Variants in ZNF318 observed in about 807,000 individuals in gnomAD.
ZNF318 encodes zinc finger protein 318.
ZNF318 carries 51 observed loss-of-function variants against 124.2 expected under a neutral mutation model. The observed-to-expected ratio is 0.41, with a 90% CI of 0.33 to 0.52. The LOEUF is 0.52. Ranked by LOEUF, ZNF318 falls within the 20% of genes least tolerant of loss-of-function variation. The pLI is 0.23. For synonymous variants in ZNF318, 1,090 were observed against 1,040.7 expected, an observed-to-expected ratio of 1.05 and a Z score of -0.91; for missense variants, 2,815 against 2,811.2, an observed-to-expected ratio of 1.00 and a Z score of -0.03.
chr6:43,349,248 T>C (rs1478213373), intron 5 of ZNF318, among the ~76,000 whole-genome samples: 1 of 152,172 alleles, frequency 6.6e-6, no homozygotes, highest in Non-Finnish European at 1.5e-5. Flanking sequence ...TTAATAAGTG[T>C]TGTAACTATG....
At chr6:43,361,609 G>C (rs775014822) in intron 2 of ZNF318, among the ~76,000 whole-genome samples, 1 of 152,156 alleles carries the variant, frequency 6.6e-6, no homozygotes, top group South Asian at 2.1e-4. Flanking sequence ...TCCATGAATG[G>C]AACATTAAAT....
chr6:43,356,008 G>A lies in ZNF318; in HGVS notation c.1326C>T (p.Ala442=). 6.2e-7 allele frequency: 1 copy of A among 1,614,198 alleles called. No individual in the cohort carries two copies. The highest frequency in any genetic ancestry group is 8.5e-7 in the Non-Finnish European group (1 of 1,180,038). The change falls in exon 4 of 10, where the codon GCC becomes GCT. Residue 442 remains alanine, a synonymous_variant. Transcript: ENST00000361428. ...AGAGGTTGCCCTGAGGTTCCTTCAA[G>A]GCAGTCTCTACCATAGTCCCCTTGT... is the stretch of plus-strand genomic sequence containing the variant. ...IENKGTMVET[A]LKEPQGNLYQ... is the part of the protein sequence containing the mutation.
At position 43,369,261 on chromosome 6, in the gene ZNF318, C is replaced by T; in HGVS notation, c.105G>A (p.Pro35=). The T allele has an allele frequency of 7.8e-7, 1 of 1,278,646 alleles. No individual in the cohort carries two copies. The highest frequency in any genetic ancestry group is 3.0e-4 in the Middle Eastern group (1 of 3,280). 79.2% of individuals were successfully genotyped at this position (1,278,646 alleles called of 1,614,324 possible). A position where few individuals can be genotyped will look rare whatever the true frequency, so the allele number is the denominator to read the frequency against. ...GAGGCGGCGGTGAGCTGCGGCGAGC[C>T]GGGCCTGAGGAGGAGCCAGAGCTGC... ...SGRSSGSSSG[P]ARRSSPPPPP... Residue 35 remains proline (P), a synonymous_variant, in exon 1 of 10, where the codon CCG becomes CCA. Transcript: ENST00000361428.
rs1381386129 is a variant in ZNF318, at chr6:43,337,581, T to C, written c.6417A>G (p.Val2139=). 1.9e-6 allele frequency: 3 copies of C among 1,614,026 alleles called. No homozygotes were observed. Among genetic ancestry groups the C allele is most frequent in the Admixed American group, 1.7e-5 (1 of 59,988 alleles). Residue 2139 remains valine, a synonymous_variant, in exon 10 of 10, where the codon GTA becomes GTG. Transcript: ENST00000361428. ...LLAGGMMPEE[V]KESSQLDKQE... ...GTTTGTCTAATTGGGAAGATTCTTT[T>C]ACTTCCTCAGGCATCATTCCTCCTG...
chr6:43,340,532 A>G (rs1460508018), intron 9 of ZNF318, 30 bp from the exon 10 acceptor site: 18 of 1,554,156 alleles, frequency 1.2e-5, no homozygotes, highest in Non-Finnish European at 1.6e-5. Flanking sequence ...AGACTCAAAA[A>G]CTGGTGAAAA....
chr6:43,336,979 GGGGAAA>G lies in ZNF318; in HGVS notation c.*173_*178del. 1 of 438,496 alleles carries G rather than the reference GGGGAAA, an allele frequency of 2.3e-6. No individual in the cohort carries two copies. 27.2% of individuals were successfully genotyped at this position (438,496 alleles called of 1,614,324 possible). ...GTTATCGATTTGTCTGGTGTTTTAAGGGGAAAGGGAAAAGGAAAGGAGGTAAATTTT... is the reference window on the plus strand; with the variant it reads ...GTTATCGATTTGTCTGGTGTTTTAAGGGGAAAAGGAAAGGAGGTAAATTTT... On this transcript the variant is annotated 3_prime_UTR_variant, in exon 10 of 10. Coordinates refer to ENST00000361428, the MANE Select transcript of ZNF318 (RefSeq NM_014345.3).
At chr6:43,345,530 C>T (rs1174214031) in intron 6 of ZNF318, among the ~76,000 whole-genome samples, 1 of 152,100 alleles carries the variant, frequency 6.6e-6, no homozygotes, top group East Asian at 1.9e-4. Flanking sequence ...TCATTGGGTT[C>T]GTACATGAAT....
chr6:43,360,251 G>C (rs1429057128), intron 2 of ZNF318, among the ~76,000 whole-genome samples: 1 of 152,056 alleles, frequency 6.6e-6, no homozygotes, highest in Non-Finnish European at 1.5e-5. Context: ...CTCCAGTAGA[G>C]ACAGAAAAAA....
chr6:43,340,741 A>G, intron 9 of ZNF318, 49 bp downstream of exon 9: 1 of 1,559,522 alleles, frequency 6.4e-7, no homozygotes, highest in Non-Finnish European at 8.8e-7. Flanking sequence ...AAGTCAAAAT[A>G]ATTACTTCAG....
In ZNF318 at chr6:43,340,911, G is replaced by A. The variant is rs2150749262; in HGVS notation, c.3377-3C>T. On this transcript the variant is annotated splice_region_variant and splice_polypyrimidine_tract_variant and intron_variant, in intron 8 of 9. Transcript: ENST00000361428. ...GATGGGAACCAGAAACTCAGAGCCT[G>A]GAAGAAGTAGAAAAAAGTCAAGGAA... 3.1e-6 allele frequency: 5 copies of A among 1,607,754 alleles called. No homozygotes were observed. Among genetic ancestry groups the A allele is most frequent in the Non-Finnish European group, 4.3e-6 (5 of 1,174,324 alleles).
chr6:43,339,844 G>A lies in ZNF318; in HGVS notation c.4154C>T (p.Thr1385Ile), dbSNP rs754565748. 7 of 1,614,098 alleles carry A rather than the reference G, an allele frequency of 4.3e-6. No homozygotes were observed. Among genetic ancestry groups the A allele is most frequent in the Admixed American group, 3.3e-5 (2 of 60,008 alleles). Residue 1385 changes from threonine to isoleucine, a missense_variant, in exon 10 of 10, where the codon ACT (threonine) becomes ATT (isoleucine). By Grantham distance (89) the Thr-to-Ile change is moderately conservative (BLOSUM62 -1). Around this residue, in one of 4 missense-constraint regions of ZNF318, gnomAD observed 500 missense variants for 605.2 expected, o/e 0.83. Coordinates refer to ENST00000361428, the MANE Select transcript of ZNF318 (RefSeq NM_014345.3). This position sits in a 1 kb window ranked among gnomAD's most constrained non-coding sequence, Gnocchi z 4.2. Reference sequence around the variant, plus strand: ...TTTAACCACTGGCAGAGGTTTAGCAGTGGTTCCAGAGGACTTAATAGACAG... The same window carrying A: ...TTTAACCACTGGCAGAGGTTTAGCAATGGTTCCAGAGGACTTAATAGACAG... ...TFLSIKSSGTTAKPLPVVKES... is the reference protein window; with the variant it reads ...TFLSIKSSGTIAKPLPVVKES...
At chr6:43,361,631 T>C (rs1388216365) in intron 2 of ZNF318, among the ~76,000 whole-genome samples, 1 of 152,220 alleles carries the variant, frequency 6.6e-6, no homozygotes, top group Non-Finnish European at 1.5e-5. Context: ...TGCAAATTAC[T>C]TTGATGAACA....
chr6:43,338,827 G>T lies in ZNF318; in HGVS notation c.5171C>A (p.Pro1724Gln). The change falls in exon 10 of 10, where the codon CCA (proline) becomes CAA (glutamine). Residue 1724 changes from proline to glutamine, a missense_variant. This residue lies in a region of ZNF318 where 927 missense variants were observed against 820.6 expected (regional missense o/e 1.13). Transcript: ENST00000361428. The stretch of plus-strand genomic sequence containing the variant: ...AGGTGGTTCTACACCAGGTGGTCCT[G>T]GCTCTCCCAGGTCAAGCTCACTCTT... ...PEKSELDLGE[P>Q]GPPGVEPPPQ... 6 of 1,614,078 alleles carry T rather than the reference G, an allele frequency of 3.7e-6. No individual in the cohort carries two copies. Among genetic ancestry groups the T allele is most frequent in the Non-Finnish European group, 5.1e-6 (6 of 1,180,026 alleles).
Position 43,354,726 on chromosome 6 carries a change from G to A in ZNF318, c.2608C>T (p.Leu870Phe). The A allele has an allele frequency of 6.2e-7, 1 of 1,614,034 alleles. No homozygotes were observed. The highest frequency in any genetic ancestry group is 8.5e-7 in the Non-Finnish European group (1 of 1,180,010). ...ATCTTCTCTGGATTATATCTTATGA[G>A]TGATGGAATGGACACCTGGACAGGC... ...QVPVQVSIPS[L>F]IRYNPEKISD... is the part of the protein sequence containing the mutation. The change falls in exon 4 of 10, where the codon CTC becomes TTC. Residue 870 changes from leucine (L) to phenylalanine (F), a missense_variant. By Grantham distance (22) the Leu-to-Phe change is conservative. Coordinates refer to ENST00000361428, the MANE Select transcript of ZNF318 (RefSeq NM_014345.3).
chr6:43,356,884 TTACAG>T (rs1779615008), intron 3 of ZNF318, among the ~76,000 whole-genome samples: 1 of 152,058 alleles, frequency 6.6e-6, no homozygotes, highest in South Asian at 2.1e-4. Flanking sequence ...GTAAAAAAAC[TTACAG>T]TACTCTCCAA....
chr6:43,349,904 G>A (rs1779502812), intron 5 of ZNF318, among the ~76,000 whole-genome samples: 1 of 151,380 alleles, frequency 6.6e-6, no homozygotes, highest in South Asian at 2.1e-4. Flanking sequence ...AGCTATGACA[G>A]CACCACTGCC....
intron 5 of ZNF318, among the ~76,000 whole-genome samples, chr6:43,352,068 C>A (rs1056748431): frequency 6.6e-6 from 1 of 151,808 alleles, no homozygotes; most frequent in African/African-American, 2.4e-5. Flanking sequence ...CACTTGAACC[C>A]GGGGGACAGA....
chr6:43,366,350 C>T (rs1027628263), intron 1 of ZNF318, among the ~76,000 whole-genome samples: 1 of 152,120 alleles, frequency 6.6e-6, no homozygotes, highest in Non-Finnish European at 1.5e-5. Flanking sequence ...ATTCTTAGTG[C>T]AATTAACAGT....
chr6:43,342,927 C>T, intron 6 of ZNF318, 48 bp from the exon 7 acceptor site: 1 of 1,488,130 alleles, frequency 6.7e-7, no homozygotes, highest in Non-Finnish European at 9.2e-7. Flanking sequence ...GCAATCTAGA[C>T]TTGTCTTCTG....
Sources: allele counts gnomAD v4.1 joint callset (sites outside exome capture counted in the v4.1 genomes callset), GRCh38; gene constraint gnomAD v4.1.1; regional missense constraint gnomAD v4.1.1; non-coding constraint Gnocchi (gnomAD v3.1); transcripts MANE v1.5; gene names NCBI Gene and HGNC (gene_info 2026-07-23, HGNC 2026-07-21).